ZNF34: variants seen among roughly 807,000 people sequenced by gnomAD.
ZNF34 encodes the protein zinc finger protein 34.
Under a neutral mutation model 14.4 loss-of-function variants are expected in ZNF34, and 8 were observed. The observed-to-expected ratio is 0.55, with a 90% CI of 0.33 to 1.00. The LOEUF (loss-of-function observed/expected upper bound fraction) is 1.00. Among genes scored for constraint, ZNF34 ranks in the 50% least tolerant of loss-of-function variants. ZNF34 has a pLI of 0.03. For missense variants in ZNF34, 538 were observed against 674.2 expected, an observed-to-expected ratio of 0.80 and a Z score of 2.24; for synonymous variants, 235 against 247.9, an observed-to-expected ratio of 0.95 and a Z score of 0.49.
At chr8:144,784,348 A>G (rs1826092451) in intron 1 of ZNF34, among the ~76,000 whole-genome samples, 3 of 152,016 alleles carry the variant, frequency 2.0e-5, no homozygotes, top group Non-Finnish European at 4.4e-5. Flanking sequence ...GGCAATGAAG[A>G]AGGACAATAA....
At chr8:144,781,838 T>G (rs1443729971) in intron 1 of ZNF34, among the ~76,000 whole-genome samples, 2 of 152,166 alleles carry the variant, frequency 1.3e-5, no homozygotes, top group Non-Finnish European at 2.9e-5. Flanking sequence ...TAAAGAAAAT[T>G]GTGCATCCTT....
chr8:144,780,401 AT>A, intron 1 of ZNF34, 121 bp from the exon 2 acceptor site: 1 of 759,688 alleles, frequency 1.3e-6, no homozygotes, highest in Non-Finnish European at 2.1e-6. Flanking sequence ...ATTTAAGTAT[AT>A]TTTTATCATA....
chr8:144,777,894 C>G lies in ZNF34; in HGVS notation c.160+144G>C. On this transcript the variant is annotated intron_variant, in intron 4 of 5. Coordinates refer to ENST00000429371, the MANE Select transcript of ZNF34 (RefSeq NM_001286769.2). This position sits in a 1 kb window ranked among gnomAD's most constrained non-coding sequence, Gnocchi z 4.8. ...CAGGAAGGTCCCAGCACTGCTCTTC[C>G]CCTCATCTTCTCAGATCAGGTGCCT... is the stretch of plus-strand genomic sequence containing the variant. 7.9e-7 allele frequency: 1 copy of G among 1,273,700 alleles called. No individual in the cohort carries two copies. The highest frequency in any genetic ancestry group is 1.1e-6 in the Non-Finnish European group (1 of 921,070). The allele number at this position is 1,273,700 out of a possible 1,614,324, so 78.9% of individuals were successfully genotyped here. A position where few individuals can be genotyped will look rare whatever the true frequency, so the allele number is the denominator to read the frequency against.
At chr8:144,781,526 G>A (rs139195726) in intron 1 of ZNF34, among the ~76,000 whole-genome samples, 1 of 152,060 alleles carries the variant, frequency 6.6e-6, no homozygotes, top group Admixed American at 6.6e-5. Flanking sequence ...AAAGTGCTGG[G>A]ATTACAGGCA....
Position 144,772,463 on chromosome 8 carries a change from A to G in ZNF34, c.*803T>C, listed in dbSNP as rs537464008. ...TACACTTAAAAATGGTTAAAATTGT[A>G]AATTTCATATTATGTTATTTCACCA... On this transcript the variant is annotated 3_prime_UTR_variant, in exon 6 of 6. Coordinates refer to ENST00000429371, the MANE Select transcript of ZNF34 (RefSeq NM_001286769.2). 3.3e-5 allele frequency among the ~76,000 whole-genome samples: 5 copies of G among 152,384 alleles called. No homozygotes were observed. The highest frequency in any genetic ancestry group is 1.3e-4 in the Admixed American group (2 of 15,304).
At chr8:144,786,161 A>AT (rs1258391906) in intron 1 of ZNF34, among the ~76,000 whole-genome samples, 1 of 150,694 alleles carries the variant, frequency 6.6e-6, no homozygotes, top group East Asian at 2.0e-4. Context: ...ATTTTTTTGT[A>AT]TTTTTTAGTA....
In ZNF34 at chr8:144,777,392, G is replaced by C. The variant is rs1310413344; in HGVS notation, c.280+66C>G. On this transcript the variant is annotated intron_variant, in intron 5 of 5. Transcript: ENST00000429371. The surrounding 1 kb of genome is among the most constrained non-coding windows in gnomAD (Gnocchi z 4.8). ...CCACAAACTCCTGATTCATTAATCAGACACCCTGGACCCCAATAAAGGCTC... is the reference window on the plus strand; with the variant it reads ...CCACAAACTCCTGATTCATTAATCACACACCCTGGACCCCAATAAAGGCTC... 1.3e-6 allele frequency: 2 copies of C among 1,519,812 alleles called. No individual in the cohort carries two copies. The highest frequency in any genetic ancestry group is 1.8e-6 in the Non-Finnish European group (2 of 1,128,044). The allele number at this position is 1,519,812 out of a possible 1,614,324, so 94.1% of individuals were successfully genotyped here.
chr8:144,777,723 G>T lies in ZNF34; in HGVS notation c.161-146C>A. On this transcript the variant is annotated intron_variant, in intron 4 of 5. Coordinates refer to ENST00000429371, the MANE Select transcript of ZNF34 (RefSeq NM_001286769.2). The surrounding 1 kb of genome is among the most constrained non-coding windows in gnomAD (Gnocchi z 4.8). ...ACTCTCTGGAGGGCACTGAGATTGG[G>T]CTGGGGCAGTCCTGAGCATAAGGGA... The T allele has an allele frequency of 9.4e-7, 1 of 1,066,590 alleles. No individual in the cohort carries two copies. 66.1% of individuals were successfully genotyped at this position (1,066,590 alleles called of 1,614,324 possible).
chr8:144,785,804 T>C (rs775183040), intron 1 of ZNF34, among the ~76,000 whole-genome samples: 1 of 152,058 alleles, frequency 6.6e-6, no homozygotes, highest in Admixed American at 6.6e-5. Flanking sequence ...CTCTTGCTAA[T>C]GCACACAAAA....
intron 1 of ZNF34, among the ~76,000 whole-genome samples, chr8:144,786,801 A>C (rs1020773785): frequency 6.6e-6 from 1 of 152,006 alleles, no homozygotes; most frequent in Non-Finnish European, 1.5e-5. Context: ...AGGGAGGAGC[A>C]CTGGCGGAGC....
At chr8:144,775,470 G>C (rs1825450951) in intron 5 of ZNF34, among the ~76,000 whole-genome samples, 1 of 152,166 alleles carries the variant, frequency 6.6e-6, no homozygotes, top group African/African-American at 2.4e-5. Context: ...CTGGACAACT[G>C]AATGTCCTCC....
chr8:144,782,111 C>A (rs1262647264), intron 1 of ZNF34, among the ~76,000 whole-genome samples: 1 of 151,980 alleles, frequency 6.6e-6, no homozygotes, highest in African/African-American at 2.4e-5. Flanking sequence ...ATCACGAGGT[C>A]AAGAGATCAA....
chr8:144,778,524 A>T lies in ZNF34; in HGVS notation c.-53T>A, dbSNP rs562951980. The T allele has an allele frequency of 3.2e-5, 50 of 1,567,966 alleles. No individual in the cohort carries two copies. The highest frequency in any genetic ancestry group is 3.9e-5 in the Non-Finnish European group (45 of 1,157,516). On this transcript the variant is annotated splice_region_variant and 5_prime_UTR_variant, in exon 3 of 6. Coordinates refer to ENST00000429371, the MANE Select transcript of ZNF34 (RefSeq NM_001286769.2). ...AGTGAGCAGGAGCTGGTCACTGAGGAGCTGAGGGAAGAGAACGCAACAAGT... is the reference window on the plus strand; with the variant it reads ...AGTGAGCAGGAGCTGGTCACTGAGGTGCTGAGGGAAGAGAACGCAACAAGT...
chr8:144,782,999 T>TAAAAAAAAA (rs149988063), intron 1 of ZNF34, among the ~76,000 whole-genome samples: 2 of 148,896 alleles, frequency 1.3e-5, no homozygotes, highest in African/African-American at 5.0e-5. Context: ...TTAAATAGAT[T>TAAAAAAAAA]AAAAAAAAAG....
intron 3 of ZNF34, 107 bp from the exon 4 acceptor site, chr8:144,778,271 AC>A (rs1825656152): frequency 1.3e-6 from 2 of 1,488,896 alleles, no homozygotes; most frequent in Admixed American, 4.3e-5. Flanking sequence ...GGGTGGCCTG[AC>A]CCATCTGCCA....
rs567931428 is a variant in ZNF34, at chr8:144,782,600, G to A, written c.-107-2320C>T. The stretch of plus-strand genomic sequence containing the variant: ...CGGCTGTAATCCCAGCACTTTGGGA[G>A]GCCAGGGCAGGTGGATCTCTTGAGC... On this transcript the variant is annotated intron_variant, in intron 1 of 5. Transcript: ENST00000429371. Among the ~76,000 whole-genome samples the A allele has an allele frequency of 7.2e-5, 11 of 152,108 alleles. No individual in the cohort carries two copies. The South Asian group carries it at 2.3e-3, about 32-fold the overall frequency.
In ZNF34 at chr8:144,774,326, G is replaced by A. The variant is rs1239499327; in HGVS notation, c.560C>T (p.Ser187Leu). ...DICEQSFEQR[S>L]YLNNHKRVHR... ...TACACGCTTATGGTTGTTGAGATAT[G>A]ATCTCTGTTCAAAACTTTGCTCACA... The change falls in exon 6 of 6, where the codon TCA (serine) becomes TTA (leucine). Residue 187 changes from serine to leucine, a missense_variant. Ser to Leu is a moderately radical substitution (Grantham distance 145). Transcript: ENST00000429371. 2 of 1,612,238 alleles carry A rather than the reference G, an allele frequency of 1.2e-6. No homozygotes were observed. Among genetic ancestry groups the A allele is most frequent in the East Asian group, 4.5e-5 (2 of 44,868 alleles).
Position 144,773,945 on chromosome 8 carries a change from T to C in ZNF34, c.941A>G (p.Tyr314Cys). 6.2e-7 allele frequency: 1 copy of C among 1,614,130 alleles called. No individual in the cohort carries two copies. The highest frequency in any genetic ancestry group is 8.5e-7 in the Non-Finnish European group (1 of 1,180,032). The stretch of plus-strand genomic sequence containing the variant: ...GTGCTTCCCACACTCCCCACACTTG[T>C]AGGGTTTCTCCCCAGTGTGAATCCT... ...HQRIHTGEKP[Y>C]KCGECGKHFS... The change falls in exon 6 of 6, where the codon TAC (tyrosine) becomes TGC (cysteine). Residue 314 changes from tyrosine to cysteine, a missense_variant. This residue lies in a region of ZNF34 where 431 missense variants were observed against 525.7 expected (regional missense o/e 0.82). Transcript: ENST00000429371. This position sits in a 1 kb window ranked among gnomAD's most constrained non-coding sequence, Gnocchi z 5.4.
Position 144,780,593 on chromosome 8 carries a change from G to C in ZNF34, c.-107-313C>G, listed in dbSNP as rs560343979. 2.2e-4 allele frequency among the ~76,000 whole-genome samples: 34 copies of C among 151,796 alleles called. 1 individual carries two copies. In the South Asian group the frequency reaches 7.1e-3, roughly 32 times the overall value. ...ACCTGAGGTCAGGAGTTCGAGACCA[G>C]CCTGGCCACCATGTGGTGAAACCCT... On this transcript the variant is annotated intron_variant, in intron 1 of 5. Transcript: ENST00000429371.
Sources: gnomAD v4.1 joint callset for allele counts (sites outside exome capture counted in the v4.1 genomes callset) on GRCh38, gnomAD v4.1.1 for gene constraint, gnomAD v4.1.1 regional missense constraint, Gnocchi (gnomAD v3.1) non-coding constraint, MANE v1.5 for transcripts, NCBI Gene and HGNC (gene_info 2026-07-23, HGNC 2026-07-21) for gene names.